VPS13D: variants seen among roughly 807,000 people sequenced by gnomAD.
VPS13D encodes the protein intermembrane lipid transfer protein VPS13D.
VPS13D carries 187 observed loss-of-function variants against 461.9 expected under a neutral mutation model. The observed-to-expected ratio is 0.40, with a 90% confidence interval of 0.36 to 0.46. VPS13D has a LOEUF of 0.46. VPS13D is among the 20% of genes least tolerant of loss of function. The probability of loss-of-function intolerance (pLI) is 0.60; values close to 1 mark genes in which losing one functional copy is unlikely to be tolerated. For synonymous variants in VPS13D, 1,951 were observed against 1,986.3 expected, an observed-to-expected ratio of 0.98 and a Z score of 0.47; for missense variants, 4,711 against 5,364.9, an observed-to-expected ratio of 0.88 and a Z score of 3.81.
intron 60 of VPS13D, among the ~76,000 whole-genome samples, chr1:12,396,029 A>ATATATATATATATGTATT (rs1553187933): frequency 5.3e-4 from 64 of 119,820 alleles, no homozygotes; most frequent in South Asian, 2.7e-3. Context: ...ATATATATAT[A>ATATATATATATATGTATT]GTTCTTTAAG....
At chr1:12,381,653 A>G (rs1333376878) in intron 57 of VPS13D, among the ~76,000 whole-genome samples, 2 of 152,220 alleles carry the variant, frequency 1.3e-5, no homozygotes, top group Admixed American at 6.5e-5. Context: ...TCCACCACTC[A>G]CAGATGGCTG....
At chr1:12,304,997 A>G (rs973038891) in intron 26 of VPS13D, among the ~76,000 whole-genome samples, 11 of 152,192 alleles carry the variant, frequency 7.2e-5, no homozygotes, top group African/African-American at 1.7e-4. Context: ...CTTTTTTCTT[A>G]TAGGTGAAAA....
chr1:12,499,419 C>T, intron 68 of VPS13D: 1 of 978,590 alleles, frequency 1.0e-6, no homozygotes, highest in Non-Finnish European at 1.2e-6. Flanking sequence ...TCACTTTCCT[C>T]CCCAACTCAC....
Position 12,262,064 on chromosome 1 carries a change from G to A in VPS13D, c.1578G>A (p.Met526Ile), listed in dbSNP as rs1199638613. ...CTCAAATGAATGAAAGTGCTTTCAT[G>A]CAGCTCGAGTTTTCAGGTACACTGC... ...GTPQMNESAFMQLEFSDVKLL... is the reference protein window; with the variant it reads ...GTPQMNESAFIQLEFSDVKLL... The change falls in exon 13 of 70, where the codon ATG becomes ATA. Residue 526 changes from methionine (M) to isoleucine (I), a missense_variant. Physicochemically the swap from Met to Ile is conservative, Grantham distance 10 (BLOSUM62 1). Around this residue, in one of 3 missense-constraint regions of VPS13D, gnomAD observed 4,411 missense variants for 4,937.8 expected, o/e 0.89. Coordinates refer to ENST00000620676, the MANE Select transcript of VPS13D (RefSeq NM_015378.4). 1.9e-6 allele frequency: 3 copies of A among 1,610,846 alleles called. No individual in the cohort carries two copies. The highest frequency in any genetic ancestry group is 1.1e-5 in the South Asian group (1 of 90,824).
chr1:12,342,474 A>C lies in VPS13D; in HGVS notation c.8733-425A>C, dbSNP rs35586816. Among the ~76,000 whole-genome samples, 5 of 152,358 alleles carry C rather than the reference A, an allele frequency of 3.3e-5. No individual in the cohort carries two copies. In the East Asian group the frequency reaches 9.6e-4, roughly 29 times the overall value. On this transcript the variant is annotated intron_variant, in intron 41 of 69. Transcript: ENST00000620676. ...CGTTCCAGCTGAGGTCATGAAGTGCATGGCATGAGTAACAGAATCCATTGA... is the reference window on the plus strand; with the variant it reads ...CGTTCCAGCTGAGGTCATGAAGTGCCTGGCATGAGTAACAGAATCCATTGA...
chr1:12,300,290 C>T (rs1642388705), intron 25 of VPS13D, among the ~76,000 whole-genome samples: 2 of 150,836 alleles, frequency 1.3e-5, no homozygotes, highest in South Asian at 4.2e-4. Flanking sequence ...TCACTGTGAC[C>T]TCCGTCTCCT....
chr1:12,451,370 T>C (rs1277441869), intron 65 of VPS13D, among the ~76,000 whole-genome samples: 1 of 152,246 alleles, frequency 6.6e-6, no homozygotes, highest in Non-Finnish European at 1.5e-5. Flanking sequence ...TAGAAGTTAA[T>C]GACTTTGGAC....
chr1:12,448,266 T>A (rs1645219493), intron 65 of VPS13D, among the ~76,000 whole-genome samples: 1 of 152,206 alleles, frequency 6.6e-6, no homozygotes, highest in Non-Finnish European at 1.5e-5. Flanking sequence ...AAATCAGGCT[T>A]TATGGTGTGA....
At chr1:12,283,783 G>A (rs573788717) in intron 21 of VPS13D, 47 bp downstream of exon 21, 2 of 1,527,658 alleles carry the variant, frequency 1.3e-6, no homozygotes, top group Non-Finnish European at 8.8e-7. Flanking sequence ...AAATGGATTT[G>A]GGCTTGTTGA....
At chr1:12,382,711 G>A (rs1644299367) in intron 57 of VPS13D, among the ~76,000 whole-genome samples, 1 of 152,116 alleles carries the variant, frequency 6.6e-6, no homozygotes, top group South Asian at 2.1e-4. Context: ...ACTAGTAAAA[G>A]GCAGAATTAA....
intron 67 of VPS13D, among the ~76,000 whole-genome samples, chr1:12,487,625 A>G (rs536796771): frequency 7.2e-6 from 1 of 138,208 alleles, no homozygotes; most frequent in South Asian, 2.4e-4. Flanking sequence ...AAAAAAAAAA[A>G]GCAAACAAAT....
intron 67 of VPS13D, among the ~76,000 whole-genome samples, chr1:12,468,982 T>C (rs1294182840): frequency 6.6e-6 from 1 of 151,036 alleles, no homozygotes; most frequent in East Asian, 1.9e-4. Context: ...TGCAGTGAGC[T>C]GAGATTGCAC....
chr1:12,261,762 C>A, intron 12 of VPS13D, 139 bp from the exon 13 acceptor site: 1 of 683,876 alleles, frequency 1.5e-6, no homozygotes, highest in Non-Finnish European at 2.4e-6. Context: ...ATAAAATAGT[C>A]ACCCATGACT....
At chr1:12,311,280 C>T (rs1463409308) in intron 27 of VPS13D, among the ~76,000 whole-genome samples, 174 bp from the exon 28 acceptor site, 1 of 152,070 alleles carries the variant, frequency 6.6e-6, no homozygotes, top group Non-Finnish European at 1.5e-5. Flanking sequence ...TGAAGCATGA[C>T]AGTCATATTA....
chr1:12,381,782 G>A (rs1644274720), intron 57 of VPS13D, among the ~76,000 whole-genome samples: 1 of 152,174 alleles, frequency 6.6e-6, no homozygotes, highest in Admixed American at 6.5e-5. Context: ...TGACCACGAG[G>A]CATCCCTGGA....
chr1:12,419,891 A>T (rs771365043), intron 65 of VPS13D, among the ~76,000 whole-genome samples: 35 of 152,216 alleles, frequency 2.3e-4, no homozygotes, highest in Non-Finnish European at 4.3e-4. Context: ...AATACAGCCT[A>T]TTCCACACCT....
intron 67 of VPS13D, among the ~76,000 whole-genome samples, chr1:12,471,570 C>T (rs1645563456): frequency 6.6e-6 from 1 of 152,142 alleles, no homozygotes; most frequent in African/African-American, 2.4e-5. Flanking sequence ...ATAAATAAAC[C>T]AACTGCTATT....
At chr1:12,316,061 C>T (rs1018324889) in intron 30 of VPS13D, among the ~76,000 whole-genome samples, 10 of 152,078 alleles carry the variant, frequency 6.6e-5, no homozygotes, top group East Asian at 1.9e-4. Flanking sequence ...GTGATCTGCC[C>T]GCCTCAGCCT....
At chr1:12,497,240 A>G in intron 67 of VPS13D, 1 of 252,250 alleles carries the variant, frequency 4.0e-6, no homozygotes, top group Non-Finnish European at 7.6e-6. Context: ...CAGAGAGAAA[A>G]CGGAAACTGA....
Sources: allele counts gnomAD v4.1 joint callset (sites outside exome capture counted in the v4.1 genomes callset), GRCh38; gene constraint gnomAD v4.1.1; regional missense constraint gnomAD v4.1.1; transcripts MANE v1.5; gene names NCBI Gene and HGNC (gene_info 2026-07-23, HGNC 2026-07-21).